SPAG16: variants seen among roughly 807,000 people sequenced by gnomAD.
SPAG16 encodes sperm associated antigen 16, also known as sperm-associated antigen 16 protein.
A neutral mutation model predicts 80.4 loss-of-function variants in SPAG16; 86 were observed. The observed-to-expected ratio is 1.07, with a 90% CI of 0.90 to 1.28. SPAG16 has a LOEUF of 1.28. SPAG16 is among the 50% of genes most tolerant of loss of function. The pLI is 0.00. For synonymous variants in SPAG16, 294 were observed against 265.9 expected (o/e 1.11, Z -1.03); for missense variants, 870 against 765.3 (o/e 1.14, Z -1.61).
Position 214,254,147 on chromosome 2 carries a change from C to T in SPAG16, c.1720+104881C>T, listed in dbSNP as rs1233501495. On this transcript the variant is annotated intron_variant, in intron 15 of 15. Coordinates refer to ENST00000331683, the MANE Select transcript of SPAG16 (RefSeq NM_024532.5). The stretch of plus-strand genomic sequence containing the variant: ...TGCACATTAATTTTGTATCATGAGG[C>T]TTTGCTGAAGTTGCTTATCAGCTTA... Among the ~76,000 whole-genome samples, 5 of 145,402 alleles carry T rather than the reference C, an allele frequency of 3.4e-5. No individual in the cohort carries two copies. In the East Asian group the frequency reaches 6.1e-4, roughly 18 times the overall value.
At chr2:213,631,424 C>A (rs2062147523) in intron 10 of SPAG16, among the ~76,000 whole-genome samples, 1 of 152,132 alleles carries the variant, frequency 6.6e-6, no homozygotes, top group East Asian at 1.9e-4. Flanking sequence ...ATTCTTATCA[C>A]ATTATGAAGT....
At chr2:213,548,546 T>C (rs1394289423) in intron 10 of SPAG16, among the ~76,000 whole-genome samples, 1 of 152,206 alleles carries the variant, frequency 6.6e-6, no homozygotes, top group Non-Finnish European at 1.5e-5. Context: ...GGTTTCTATC[T>C]ATATGATAGG....
At chr2:213,846,217 A>G (rs1467473538) in intron 10 of SPAG16, among the ~76,000 whole-genome samples, 2 of 152,200 alleles carry the variant, frequency 1.3e-5, no homozygotes, top group Non-Finnish European at 2.9e-5. Flanking sequence ...AGAGTTTACC[A>G]TTGATAATCC....
At chr2:213,293,309 G>C (rs2062370756) in intron 1 of SPAG16, among the ~76,000 whole-genome samples, 1 of 152,128 alleles carries the variant, frequency 6.6e-6, no homozygotes, top group South Asian at 2.1e-4. Context: ...TTTCTTCATA[G>C]CAGCATGAGA....
intron 10 of SPAG16, among the ~76,000 whole-genome samples, chr2:213,621,921 A>T (rs1229150869): frequency 6.6e-6 from 1 of 152,184 alleles, no homozygotes; most frequent in Non-Finnish European, 1.5e-5. Flanking sequence ...ATTTTTTAGC[A>T]AGATCTCTTA....
At chr2:214,042,173 T>C (rs954113700) in intron 13 of SPAG16, among the ~76,000 whole-genome samples, 11 of 151,116 alleles carry the variant, frequency 7.3e-5, no homozygotes, top group South Asian at 4.2e-4. Context: ...GCAACCTCTA[T>C]CTCCTGGGTT....
chr2:214,394,416 G>T (rs1457856227), intron 15 of SPAG16, among the ~76,000 whole-genome samples: 2 of 151,720 alleles, frequency 1.3e-5, no homozygotes, highest in African/African-American at 4.8e-5. Context: ...ACACTATTTT[G>T]CTGATTCTGA....
chr2:213,757,808 G>A lies in SPAG16; in HGVS notation c.1071-104677G>A, dbSNP rs114037883. Among the ~76,000 whole-genome samples the A allele has an allele frequency of 5.8e-3, 889 of 152,008 alleles. 9 individuals carry two copies. The highest frequency in any genetic ancestry group is 0.021 in the African/African-American group (855 of 41,460). ...AAAAAGGACCTGTCATCCAAATATCGGCAATCTTTGCTCTGATTGCTGATT... is the reference window on the plus strand; with the variant it reads ...AAAAAGGACCTGTCATCCAAATATCAGCAATCTTTGCTCTGATTGCTGATT... On this transcript the variant is annotated intron_variant, in intron 10 of 15. Transcript: ENST00000331683.
chr2:213,451,177 G>C (rs1359531790), intron 9 of SPAG16, among the ~76,000 whole-genome samples: 1 of 151,960 alleles, frequency 6.6e-6, no homozygotes, highest in Non-Finnish European at 1.5e-5. Flanking sequence ...TATATAAATA[G>C]GTTATGATAT....
intron 10 of SPAG16, among the ~76,000 whole-genome samples, chr2:213,619,308 A>G (rs954124063): frequency 6.6e-6 from 1 of 152,192 alleles, no homozygotes; most frequent in East Asian, 1.9e-4. Context: ...AAAAATAGAC[A>G]ATGAGGTTAC....
intron 12 of SPAG16, among the ~76,000 whole-genome samples, chr2:213,989,500 T>A (rs2046176531): frequency 1.3e-5 from 2 of 152,276 alleles, no homozygotes; most frequent in East Asian, 3.9e-4. Flanking sequence ...TCTAATTTGA[T>A]CAATCCATTT....
At chr2:213,755,423 G>A (rs778398229) in intron 10 of SPAG16, among the ~76,000 whole-genome samples, 1 of 152,034 alleles carries the variant, frequency 6.6e-6, no homozygotes, top group Non-Finnish European at 1.5e-5. Flanking sequence ...ATAAAATCCT[G>A]GTAGAGACAT....
chr2:214,298,377 A>G (rs1324351044), intron 15 of SPAG16, among the ~76,000 whole-genome samples: 1 of 152,134 alleles, frequency 6.6e-6, no homozygotes, highest in Non-Finnish European at 1.5e-5. Flanking sequence ...TCATGTCAGC[A>G]GTGAACAGAG....
rs143774680 is a variant in SPAG16 at position 214,396,003 on chromosome 2, G to A, written c.1721-14137G>A. On this transcript the variant is annotated intron_variant, in intron 15 of 15. Transcript: ENST00000331683. ...CTGCAATGAACACACGTGTGCATGT[G>A]TCTTTATGGTAGAGTGATGAATATT... Among the ~76,000 whole-genome samples the A allele has an allele frequency of 1.3e-3, 194 of 152,256 alleles. No individual in the cohort carries two copies. In the Middle Eastern group the frequency reaches 0.014, roughly 11 times the overall value.
intron 15 of SPAG16, among the ~76,000 whole-genome samples, chr2:214,256,736 G>A (rs1035779663): frequency 2.0e-5 from 3 of 151,856 alleles, no homozygotes; most frequent in East Asian, 1.9e-4. Flanking sequence ...TTGTATATAT[G>A]AGTCTACTTT....
At chr2:213,989,415 C>T (rs941201861) in intron 12 of SPAG16, among the ~76,000 whole-genome samples, 6 of 152,092 alleles carry the variant, frequency 3.9e-5, no homozygotes, top group South Asian at 2.1e-4. Flanking sequence ...TTTATGTCTA[C>T]GTTTGCATTA....
intron 15 of SPAG16, among the ~76,000 whole-genome samples, chr2:214,365,891 A>G (rs767403848): frequency 1.3e-5 from 2 of 152,130 alleles, no homozygotes; most frequent in Non-Finnish European, 2.9e-5. Flanking sequence ...ATTTATCCTT[A>G]CAACTAAAAA....
chr2:214,368,021 G>A (rs969663594), intron 15 of SPAG16, among the ~76,000 whole-genome samples: 2 of 152,096 alleles, frequency 1.3e-5, no homozygotes, highest in African/African-American at 4.8e-5. Flanking sequence ...AGAAAAAAAT[G>A]TTCTCCTTTT....
At chr2:213,918,568 C>G (rs2078071115) in intron 11 of SPAG16, among the ~76,000 whole-genome samples, 1 of 152,132 alleles carries the variant, frequency 6.6e-6, no homozygotes, top group Non-Finnish European at 1.5e-5. Context: ...GTGAATAAGT[C>G]TCATGAGATC....
Sources: allele counts gnomAD v4.1 joint callset (sites outside exome capture counted in the v4.1 genomes callset), GRCh38; gene constraint gnomAD v4.1.1; transcripts MANE v1.5; gene names NCBI Gene and HGNC (gene_info 2026-07-23, HGNC 2026-07-21).